FNDC1: variants seen among roughly 807,000 people sequenced by gnomAD.
FNDC1 encodes fibronectin type III domain-containing protein 1.
In FNDC1, 96 loss-of-function variants were observed where a neutral mutation model predicts 168.0. The ratio of observed to expected loss-of-function variants is 0.57; its 90% CI spans 0.48 to 0.68. The LOEUF (loss-of-function observed/expected upper bound fraction) is 0.68, where lower values mean the gene tolerates loss of function less well. Ranked by LOEUF, FNDC1 falls within the 30% of genes least tolerant of loss-of-function variation. FNDC1 has a pLI of 0.00. For missense variants in FNDC1, 2,587 were observed against 2,482.1 expected (o/e 1.04, Z -0.90); for synonymous variants, 1,099 against 1,025.9 (o/e 1.07, Z -1.36).
chr6:159,224,827 T>C (rs559271407), intron 7 of FNDC1, among the ~76,000 whole-genome samples: 1 of 152,328 alleles, frequency 6.6e-6, no homozygotes, highest in East Asian at 1.9e-4. Context: ...ACAAAGACAA[T>C]TTCTTTGAAA....
At chr6:159,180,874 T>C (rs1781863733) in intron 1 of FNDC1, among the ~76,000 whole-genome samples, 1 of 152,106 alleles carries the variant, frequency 6.6e-6, no homozygotes, top group South Asian at 2.1e-4. Context: ...TAAAATCCAG[T>C]CTATCACTGA....
rs763282736 is a variant in FNDC1 at position 159,232,900 on chromosome 6, C to A, written c.2388C>A (p.Asp796Glu). ...GESHGDGDRE[D>E]GGRQAEATAQ... Reference sequence around the variant, plus strand: ...GCCACGGTGACGGCGATAGGGAAGACGGCGGAAGGCAGGCGGAGGCCACGG... The same window carrying A: ...GCCACGGTGACGGCGATAGGGAAGAAGGCGGAAGGCAGGCGGAGGCCACGG... The change falls in exon 11 of 23, where the codon GAC (aspartate) becomes GAA (glutamate). Residue 796 changes from aspartate (D) to glutamate (E), a missense_variant. Transcript: ENST00000297267. The surrounding 1 kb of genome is among the most constrained non-coding windows in gnomAD (Gnocchi z 4.9). 60 of 1,612,480 alleles carry A rather than the reference C, an allele frequency of 3.7e-5. No homozygotes were observed. Among genetic ancestry groups the A allele is most frequent in the African/African-American group, 8.0e-5 (6 of 74,946 alleles).
chr6:159,269,803 A>G (rs138250632), intron 22 of FNDC1, among the ~76,000 whole-genome samples: 2 of 152,158 alleles, frequency 1.3e-5, no homozygotes, highest in East Asian at 3.9e-4. Context: ...GGTTAGGGGA[A>G]CCTCAGTCTT....
chr6:159,263,758 T>C (rs1184241722), intron 19 of FNDC1, among the ~76,000 whole-genome samples: 3 of 151,022 alleles, frequency 2.0e-5, no homozygotes, highest in Admixed American at 2.0e-4. Context: ...CGAGACTCCA[T>C]CTAAAAATAA....
intron 20 of FNDC1, among the ~76,000 whole-genome samples, chr6:159,265,493 C>A (rs577384): frequency 1.7e-4 from 26 of 152,092 alleles, no homozygotes; most frequent in South Asian, 6.2e-4. Context: ...TTTTCCTTGC[C>A]GTTTAAAGAC....
chr6:159,215,789 G>A (rs1490765791), intron 5 of FNDC1, among the ~76,000 whole-genome samples: 1 of 152,116 alleles, frequency 6.6e-6, no homozygotes, highest in Non-Finnish European at 1.5e-5. Context: ...AGGCTGGGAC[G>A]CTAGGCCAGT....
At chr6:159,238,746 C>T (rs1315855477) in intron 13 of FNDC1, 81 bp downstream of exon 13, 4 of 926,264 alleles carry the variant, frequency 4.3e-6, no homozygotes, top group Non-Finnish European at 6.5e-6. Flanking sequence ...TTCTCCCCCT[C>T]ATTTATAATG....
rs761251615 is a variant in FNDC1, at chr6:159,239,554, C to T, written c.4218C>T (p.Leu1406=). The change falls in exon 14 of 23, where the codon CTC becomes CTT. Residue 1406 remains leucine (L), a synonymous_variant. Coordinates refer to ENST00000297267, the MANE Select transcript of FNDC1 (RefSeq NM_032532.3). ...CCCCCGTGGTGAGTCCTGACGGCCT[C>T]CCACTCTTTGGGCAGGGGCGACATG... ...EGTPVVSPDG[L]PLFGQGRHGT... 2 of 1,605,748 alleles carry T rather than the reference C, an allele frequency of 1.2e-6. No individual in the cohort carries two copies. The highest frequency in any genetic ancestry group is 1.7e-6 in the Non-Finnish European group (2 of 1,176,016).
At chr6:159,246,421 G>A (rs1226784874) in intron 14 of FNDC1, among the ~76,000 whole-genome samples, 1 of 152,174 alleles carries the variant, frequency 6.6e-6, no homozygotes, top group East Asian at 1.9e-4. Flanking sequence ...AATGAAGACT[G>A]ATGAACAGGG....
intron 7 of FNDC1, among the ~76,000 whole-genome samples, chr6:159,224,105 G>T (rs1782902837): frequency 6.6e-6 from 1 of 152,192 alleles, no homozygotes; most frequent in African/African-American, 2.4e-5. Flanking sequence ...ACACTTCGTA[G>T]TTCCTCATTA....
At position 159,232,792 on chromosome 6, in the gene FNDC1, G is replaced by T; in HGVS notation, c.2280G>T (p.Arg760=). The stretch of plus-strand genomic sequence containing the variant: ...CCACCAACTCCAATGCGCCATCACG[G>T]TCCACCATGTCCTCCTCCGTCTCTT... The part of the protein sequence containing the change: ...APATNSNAPS[R]STMSSSVSSH... The change falls in exon 11 of 23, where the codon CGG becomes CGT. Residue 760 remains arginine (R), a synonymous_variant. Coordinates refer to ENST00000297267, the MANE Select transcript of FNDC1 (RefSeq NM_032532.3). This position sits in a 1 kb window ranked among gnomAD's most constrained non-coding sequence, Gnocchi z 4.9. The T allele has an allele frequency of 6.2e-7, 1 of 1,613,944 alleles. No individual in the cohort carries two copies. Among genetic ancestry groups the T allele is most frequent in the Non-Finnish European group, 8.5e-7 (1 of 1,179,882 alleles).
At chr6:159,225,510 A>G (rs539532228) in intron 7 of FNDC1, 25 bp from the exon 8 acceptor site, 46 of 1,575,368 alleles carry the variant, frequency 2.9e-5, no homozygotes, top group Non-Finnish European at 3.9e-5. Context: ...ATTTGGACAG[A>G]TCATTGTGTT....
chr6:159,257,213 C>G (rs1053424229), intron 18 of FNDC1, among the ~76,000 whole-genome samples: 1 of 152,172 alleles, frequency 6.6e-6, no homozygotes, highest in African/African-American at 2.4e-5. Flanking sequence ...GTTCATTCCC[C>G]TTGTATGCCA....
intron 16 of FNDC1, among the ~76,000 whole-genome samples, chr6:159,250,694 G>A (rs779447171): frequency 5.3e-5 from 8 of 152,180 alleles, no homozygotes; most frequent in Non-Finnish European, 8.8e-5. Flanking sequence ...CTGAAATAAA[G>A]TATGTAGAAA....
chr6:159,266,157 T>A lies in FNDC1; in HGVS notation c.5358T>A (p.Tyr1786Ter). Residue 1786 changes from tyrosine (Y) to a stop codon, truncating the protein, a stop_gained, in exon 21 of 23, where the codon TAT (tyrosine) becomes TAA (stop). Coordinates refer to ENST00000297267, the MANE Select transcript of FNDC1 (RefSeq NM_032532.3). LOFTEE classifies it high-confidence loss of function. ...ACACGGACTGCCATGGACGGCAATATGTGAAGCGCACGTGGTATCGAAAGT... is the reference window on the plus strand; with the variant it reads ...ACACGGACTGCCATGGACGGCAATAAGTGAAGCGCACGTGGTATCGAAAGT... ...PSYTDCHGRQYVKRTWYRKFV... is the reference protein window; with the variant it reads ...PSYTDCHGRQ 6.2e-7 allele frequency: 1 copy of A among 1,613,996 alleles called. No individual in the cohort carries two copies. Among genetic ancestry groups the A allele is most frequent in the Non-Finnish European group, 8.5e-7 (1 of 1,179,876 alleles).
intron 14 of FNDC1, among the ~76,000 whole-genome samples, chr6:159,246,298 GT>G (rs1490514104): frequency 6.6e-6 from 1 of 152,216 alleles, no homozygotes; most frequent in Non-Finnish European, 1.5e-5. Flanking sequence ...TCAGTAGGAA[GT>G]GGAGAAGCAC....
intron 4 of FNDC1, among the ~76,000 whole-genome samples, chr6:159,213,012 A>T (rs1335748274): frequency 6.6e-6 from 1 of 152,208 alleles, no homozygotes; most frequent in Non-Finnish European, 1.5e-5. Flanking sequence ...TGATGAATCT[A>T]TCCTACTTAC....
chr6:159,251,180 T>C (rs953946990), intron 16 of FNDC1, 122 bp from the exon 17 acceptor site: 20 of 694,578 alleles, frequency 2.9e-5, no homozygotes, highest in Non-Finnish European at 4.9e-5. Flanking sequence ...TCAAGGCTGA[T>C]GGAGCCTCCG....
intron 18 of FNDC1, among the ~76,000 whole-genome samples, chr6:159,258,115 G>A (rs1171665421): frequency 6.6e-6 from 1 of 152,100 alleles, no homozygotes; most frequent in Non-Finnish European, 1.5e-5. Flanking sequence ...TGTCAGGAGG[G>A]TTATGTAGGG....
Sources: allele counts gnomAD v4.1 joint callset (sites outside exome capture counted in the v4.1 genomes callset), GRCh38; gene constraint gnomAD v4.1.1; non-coding constraint Gnocchi (gnomAD v3.1); transcripts MANE v1.5; gene names NCBI Gene and HGNC (gene_info 2026-07-23, HGNC 2026-07-21).